The following FOXP2 variants were observed in gnomAD, a reference collection of about 807,000 sequenced individuals.
FOXP2 encodes the protein forkhead box P2.
FOXP2 carries 12 observed loss-of-function variants against 115.8 expected under a neutral mutation model. The ratio of observed to expected loss-of-function variants is 0.10; its 90% CI spans 0.07 to 0.17. FOXP2 has a LOEUF of 0.17. Ranked by LOEUF, FOXP2 falls within the 10% of genes least tolerant of loss-of-function variation. The probability of loss-of-function intolerance (pLI) is 1.00; values close to 1 mark genes in which losing one functional copy is unlikely to be tolerated. For synonymous variants in FOXP2, 328 were observed against 297.7 expected, an observed-to-expected ratio of 1.10 and a Z score of -1.05; for missense variants, 629 against 843.5, an observed-to-expected ratio of 0.75 and a Z score of 3.15.
intron 16 of FOXP2, among the ~76,000 whole-genome samples, chr7:114,686,662 G>C (rs1443379846): frequency 1.3e-5 from 2 of 151,968 alleles, no homozygotes; most frequent in Middle Eastern, 3.2e-3. Context: ...TAAACATTTT[G>C]TTTGTTTTTC....
intron 2 of FOXP2, among the ~76,000 whole-genome samples, chr7:114,453,436 CTG>C (rs1795152784): frequency 6.6e-6 from 1 of 152,016 alleles, no homozygotes; most frequent in Admixed American, 6.6e-5. Context: ...GTTTCCATAA[CTG>C]TTTTCTATTC....
At chr7:114,459,749 G>C (rs1485517593) in intron 2 of FOXP2, among the ~76,000 whole-genome samples, 5 of 152,114 alleles carry the variant, frequency 3.3e-5, no homozygotes, top group African/African-American at 1.2e-4. Context: ...CCGGGTAGCT[G>C]GGATTACAAA....
At chr7:114,471,077 G>A (rs931810859) in intron 2 of FOXP2, among the ~76,000 whole-genome samples, 7 of 151,994 alleles carry the variant, frequency 4.6e-5, no homozygotes, top group Admixed American at 3.9e-4. Context: ...ACTTGTTGTA[G>A]CATTTTCTCT....
At chr7:114,313,806 G>T (rs961122693) in intron 2 of FOXP2, among the ~76,000 whole-genome samples, 2 of 150,366 alleles carry the variant, frequency 1.3e-5, no homozygotes, top group South Asian at 2.1e-4. Context: ...TTTGTATAAT[G>T]TTAAAAATAA....
chr7:114,574,901 C>A (rs912949044), intron 3 of FOXP2, among the ~76,000 whole-genome samples: 2 of 151,844 alleles, frequency 1.3e-5, no homozygotes, highest in African/African-American at 2.4e-5. Flanking sequence ...GCTTTATTTT[C>A]CATTCAAATT....
intron 1 of FOXP2, among the ~76,000 whole-genome samples, chr7:114,103,308 A>ACACCAGG (rs374791140): frequency 1.6e-3 from 248 of 152,226 alleles, no homozygotes; most frequent in African/African-American, 5.6e-3. Context: ...GAAGCTGATT[A>ACACCAGG]CACCAGGGCT....
At chr7:114,462,432 C>T (rs1443805000) in intron 2 of FOXP2, among the ~76,000 whole-genome samples, 11 of 129,428 alleles carry the variant, frequency 8.5e-5, no homozygotes, top group African/African-American at 2.6e-4. Flanking sequence ...AGTGCATTGG[C>T]GCTATCTCGG....
chr7:114,137,590 G>T (rs1300860453), intron 1 of FOXP2, among the ~76,000 whole-genome samples: 3 of 152,082 alleles, frequency 2.0e-5, no homozygotes, highest in Non-Finnish European at 4.4e-5. Context: ...TATTCTGGCT[G>T]AAGTTCAGTT....
chr7:114,221,241 T>A (rs986302142), intron 1 of FOXP2, among the ~76,000 whole-genome samples: 1 of 152,202 alleles, frequency 6.6e-6, no homozygotes, highest in Admixed American at 6.5e-5. Context: ...TGAATTATAA[T>A]ATTCTTCATA....
chr7:114,566,480 C>T (rs1323036582), intron 3 of FOXP2, among the ~76,000 whole-genome samples: 1 of 152,024 alleles, frequency 6.6e-6, no homozygotes, highest in Non-Finnish European at 1.5e-5. Context: ...AAAAAAGAGT[C>T]TGGCACCTCC....
intron 2 of FOXP2, among the ~76,000 whole-genome samples, chr7:114,531,442 A>G (rs909567086): frequency 6.6e-6 from 1 of 151,942 alleles, no homozygotes; most frequent in Admixed American, 6.6e-5. Flanking sequence ...CTAATTGCTC[A>G]GAGACCTGAG....
intron 11 of FOXP2, among the ~76,000 whole-genome samples, chr7:114,658,989 G>A (rs1806732821): frequency 6.6e-6 from 1 of 152,146 alleles, no homozygotes. Flanking sequence ...ATGCAGAGGT[G>A]AGCCTGTTGT....
At chr7:114,342,371 T>C (rs933941618) in intron 2 of FOXP2, among the ~76,000 whole-genome samples, 1 of 151,148 alleles carries the variant, frequency 6.6e-6, no homozygotes, top group Non-Finnish European at 1.5e-5. Flanking sequence ...TTATTCAATA[T>C]AGTTATAGTT....
intron 2 of FOXP2, among the ~76,000 whole-genome samples, chr7:114,440,751 A>G (rs189944711): frequency 1.1e-4 from 16 of 152,330 alleles, no homozygotes; most frequent in Admixed American, 8.5e-4. Context: ...TATATCATCC[A>G]TGGCTATTCT....
chr7:114,367,425 T>C (rs984866826), intron 2 of FOXP2, among the ~76,000 whole-genome samples: 1 of 152,132 alleles, frequency 6.6e-6, no homozygotes, highest in African/African-American at 2.4e-5. Context: ...AGGGATTGTC[T>C]ACCATGGAGG....
At chr7:114,137,946 G>GA (rs918365806) in intron 1 of FOXP2, among the ~76,000 whole-genome samples, 37 of 151,454 alleles carry the variant, frequency 2.4e-4, no homozygotes, top group African/African-American at 5.8e-4. Flanking sequence ...TCTCTAATTT[G>GA]AAAAAAAACA....
chr7:114,640,253 TA>T (rs1314813722), intron 6 of FOXP2, among the ~76,000 whole-genome samples: 2 of 152,202 alleles, frequency 1.3e-5, no homozygotes, highest in Non-Finnish European at 2.9e-5. Context: ...GATCTTTATA[TA>T]AAAAGTTGTT....
chr7:114,491,734 A>G (rs566339725), intron 2 of FOXP2, among the ~76,000 whole-genome samples: 2 of 152,240 alleles, frequency 1.3e-5, no homozygotes, highest in African/African-American at 2.4e-5. Context: ...CGTATGTTGA[A>G]CCAGCCTTGC....
At chr7:114,570,844 A>C in intron 3 of FOXP2, 1 of 1,611,984 alleles carries the variant, frequency 6.2e-7, no homozygotes, top group Non-Finnish European at 8.5e-7. Flanking sequence ...ATCTGTGGCC[A>C]CTCTTCTGGT....
Sources: allele counts gnomAD v4.1 joint callset (sites outside exome capture counted in the v4.1 genomes callset), GRCh38; gene constraint gnomAD v4.1.1; transcripts MANE v1.5; gene names NCBI Gene and HGNC (gene_info 2026-07-23, HGNC 2026-07-21).